MYOM1: variants seen among roughly 807,000 people sequenced by gnomAD.
The protein encoded by MYOM1 is myomesin 1.
Under a neutral mutation model 205.3 loss-of-function variants are expected in MYOM1, and 164 were observed. The observed-to-expected ratio is 0.80, with a 90% CI of 0.70 to 0.91. The LOEUF is 0.91. Ranked by LOEUF, MYOM1 falls within the 40% of genes least tolerant of loss-of-function variation. The probability of loss-of-function intolerance (pLI) is 0.00; values close to 1 mark genes in which losing one functional copy is unlikely to be tolerated. For synonymous variants in MYOM1, 772 were observed against 789.4 expected (o/e 0.98, Z 0.37); for missense variants, 2,011 against 2,127.3 (o/e 0.95, Z 1.08).
chr18:3,210,129 A>G (rs534172276), intron 2 of MYOM1, among the ~76,000 whole-genome samples: 4 of 152,340 alleles, frequency 2.6e-5, no homozygotes, highest in Admixed American at 6.5e-5. Flanking sequence ...ACATGAATCT[A>G]CAGCTCATAG....
At chr18:3,230,629 C>G in the MYOM1 span, among the ~76,000 whole-genome samples, 1 of 152,260 alleles carries the variant, frequency 6.6e-6, no homozygotes, top group East Asian at 1.9e-4. Flanking sequence ...CTGATTGGCC[C>G]TCTCCTGCAA....
chr18:3,129,100 G>A, intron 18 of MYOM1, 132 bp downstream of exon 18: 1 of 1,182,758 alleles, frequency 8.5e-7, no homozygotes, highest in Non-Finnish European at 1.2e-6. Context: ...ATTTCAGATG[G>A]CTAGCTGAAA....
At chr18:3,085,432 C>T (rs1489813047) in intron 30 of MYOM1, among the ~76,000 whole-genome samples, 1 of 151,712 alleles carries the variant, frequency 6.6e-6, no homozygotes, top group Non-Finnish European at 1.5e-5. Flanking sequence ...TTTTTAAAGG[C>T]CCTTGATTTA....
At chr18:3,140,917 T>C (rs2080039016) in intron 14 of MYOM1, among the ~76,000 whole-genome samples, 1 of 152,242 alleles carries the variant, frequency 6.6e-6, no homozygotes, top group South Asian at 2.1e-4. Context: ...CTTGTTTCAT[T>C]TATTGTTCTA....
chr18:3,237,613 A>G, the MYOM1 span, among the ~76,000 whole-genome samples: 1 of 151,782 alleles, frequency 6.6e-6, no homozygotes, highest in Non-Finnish European at 1.5e-5. Flanking sequence ...AAAAAAAAAA[A>G]AAAAAAAAAG....
intron 3 of MYOM1, among the ~76,000 whole-genome samples, chr18:3,192,363 C>T (rs2080923237): frequency 1.3e-5 from 2 of 152,110 alleles, no homozygotes; most frequent in African/African-American, 2.4e-5. Flanking sequence ...TCAGAGATAG[C>T]AAAGATATCA....
Position 3,135,693 on chromosome 18 carries a change from G to C in MYOM1, c.2063C>G (p.Thr688Arg). 1 of 1,613,902 alleles carries C rather than the reference G, an allele frequency of 6.2e-7. No homozygotes were observed. Among genetic ancestry groups the C allele is most frequent in the Non-Finnish European group, 8.5e-7 (1 of 1,179,868 alleles). The change falls in exon 15 of 38, where the codon ACG becomes AGG. Residue 688 changes from threonine to arginine, a missense_variant. Coordinates refer to ENST00000356443, the MANE Select transcript of MYOM1 (RefSeq NM_003803.4). The surrounding 1 kb of genome is among the most constrained non-coding windows in gnomAD (Gnocchi z 4.1). ...GCGGGGAGACTTCACAGGGAGCTCC[G>C]TGTTCACTCGCTGCCAGTTTTCTGT... ...AGTENWQRVNTELPVKSPRFA... is the reference protein window; with the variant it reads ...AGTENWQRVNRELPVKSPRFA...
the MYOM1 span, chr18:3,246,953 A>G: frequency 4.6e-5 from 7 of 152,226 alleles, no homozygotes; most frequent in Non-Finnish European, 1.5e-5. Context: ...CTAGGCAAGC[A>G]GACCTCAGGA....
intron 18 of MYOM1, among the ~76,000 whole-genome samples, chr18:3,128,048 G>A (rs9966726): frequency 0.4 from 60,487 of 152,044 alleles, 12,344 homozygotes; most frequent in East Asian, 0.58. Context: ...CAATAACATC[G>A]AAGAGAATTT....
intron 2 of MYOM1, among the ~76,000 whole-genome samples, chr18:3,201,536 G>T (rs1275384138): frequency 6.6e-6 from 1 of 151,986 alleles, no homozygotes; most frequent in African/African-American, 2.4e-5. Context: ...ATACACACAT[G>T]TACATGCACA....
At chr18:3,113,371 T>C (rs1369139509) in intron 21 of MYOM1, among the ~76,000 whole-genome samples, 2 of 151,818 alleles carry the variant, frequency 1.3e-5, no homozygotes, top group Non-Finnish European at 2.9e-5. Context: ...ACTCTGTTGC[T>C]CAGGCGGAGT....
In MYOM1 at chr18:3,189,361, C is replaced by CTTT. The variant is rs35154072; in HGVS notation, c.432-277_432-275dup. 5.6e-5 allele frequency among the ~76,000 whole-genome samples: 8 copies of CTTT among 144,024 alleles called. No homozygotes were observed. The highest frequency in any genetic ancestry group is 1.0e-4 in the African/African-American group (4 of 39,066). The allele number at this position is 144,024 out of a possible 152,430, so 94.5% of individuals were successfully genotyped here. On this transcript the variant is annotated intron_variant, in intron 3 of 37. Transcript: ENST00000356443. The surrounding 1 kb of genome is among the most constrained non-coding windows in gnomAD (Gnocchi z 4.8). Reference sequence around the variant, plus strand: ...CCCCTTACAAACCCTATGAGATAAACTTTTTTTTTTTTTTTGATATGGAGT... The same window carrying CTTT: ...CCCCTTACAAACCCTATGAGATAAACTTTTTTTTTTTTTTTTTTGATATGGAGT...
intron 33 of MYOM1, among the ~76,000 whole-genome samples, chr18:3,083,427 C>CTTTTTTTTTTTTT (rs35959808): frequency 2.8e-3 from 274 of 98,516 alleles, no homozygotes; most frequent in Non-Finnish European, 3.9e-3. Flanking sequence ...TTTTCTTTTT[C>CTTTTTTTTTTTTT]TTTTTTTTTT....
At chr18:3,141,518 G>A (rs2080048436) in intron 14 of MYOM1, among the ~76,000 whole-genome samples, 1 of 152,082 alleles carries the variant, frequency 6.6e-6, no homozygotes, top group South Asian at 2.1e-4. Context: ...CCCCTTCTCC[G>A]TTACCCCCTC....
chr18:3,186,569 T>C (rs1256004837), intron 5 of MYOM1, among the ~76,000 whole-genome samples: 1 of 152,180 alleles, frequency 6.6e-6, no homozygotes, highest in Non-Finnish European at 1.5e-5. Flanking sequence ...ATAGGATATA[T>C]TATGAAGGAG....
chr18:3,130,628 T>C (rs1246453510), intron 17 of MYOM1, among the ~76,000 whole-genome samples: 1 of 151,908 alleles, frequency 6.6e-6, no homozygotes, highest in Non-Finnish European at 1.5e-5. Context: ...ATTTTTTTTA[T>C]TGTTATTTTT....
At chr18:3,224,040 T>A (rs2081342420), upstream of MYOM1, among the ~76,000 whole-genome samples, 1 of 151,410 alleles carries the variant, frequency 6.6e-6, no homozygotes, top group Admixed American at 6.6e-5. Flanking sequence ...TTTTTTTTTT[T>A]TTTTTTGAGA....
upstream of MYOM1, among the ~76,000 whole-genome samples, chr18:3,223,189 C>T (rs1194584037): frequency 2.6e-5 from 4 of 152,156 alleles, no homozygotes; most frequent in Non-Finnish European, 5.9e-5. Context: ...CTGTAAATCT[C>T]AATTTCTTAA....
At position 3,145,570 on chromosome 18, in the gene MYOM1, T is replaced by C. The variant is rs368892625; in HGVS notation, c.1901-3507A>G. Among the ~76,000 whole-genome samples, 14 of 152,250 alleles carry C rather than the reference T, an allele frequency of 9.2e-5. No homozygotes were observed. The South Asian group carries it at 1.0e-3, about 11-fold the overall frequency. On this transcript the variant is annotated intron_variant, in intron 13 of 37. Transcript: ENST00000356443. ...AAGAAGGTATCAAAAAATTGGAAAG[T>C]ATTTTGCACAAAATAAAAATGAAAA...
Sources: allele counts gnomAD v4.1 joint callset (sites outside exome capture counted in the v4.1 genomes callset), GRCh38; gene constraint gnomAD v4.1.1; non-coding constraint Gnocchi (gnomAD v3.1); transcripts MANE v1.5; gene names NCBI Gene and HGNC (gene_info 2026-07-23, HGNC 2026-07-21).